OTUD7B: variants seen among roughly 807,000 people sequenced by gnomAD.
OTUD7B encodes the protein OTU domain-containing protein 7B.
In OTUD7B, 34 loss-of-function variants were observed where a neutral mutation model predicts 82.2. That is an observed-to-expected ratio of 0.41 (90% CI 0.31 to 0.55). OTUD7B has a LOEUF of 0.55. Ranked by LOEUF, OTUD7B falls within the 20% of genes least tolerant of loss-of-function variation. The probability of loss-of-function intolerance (pLI) is 0.20; values close to 1 mark genes in which losing one functional copy is unlikely to be tolerated. For missense variants in OTUD7B, 944 were observed against 1,062.1 expected (o/e 0.89, Z 1.55); for synonymous variants, 398 against 402.7 (o/e 0.99, Z 0.14).
At chr1:150,027,617 T>C in the OTUD7B span, among the ~76,000 whole-genome samples, 1 of 151,832 alleles carries the variant, frequency 6.6e-6, no homozygotes, top group African/African-American at 2.4e-5. Context: ...AATAAGATAA[T>C]CAATGGCACA....
intron 1 of OTUD7B, among the ~76,000 whole-genome samples, chr1:149,983,584 G>A (rs1394404213): frequency 1.3e-5 from 2 of 151,948 alleles, no homozygotes; most frequent in Non-Finnish European, 2.9e-5. Flanking sequence ...AAGGAAGAAC[G>A]CTCCAAGCAG....
intron 10 of OTUD7B, among the ~76,000 whole-genome samples, chr1:149,947,977 GTATT>G (rs1354344500): frequency 2.0e-5 from 3 of 151,970 alleles, no homozygotes; most frequent in Non-Finnish European, 2.9e-5. Flanking sequence ...TTTTTATCAC[GTATT>G]TATTTATTTA....
At chr1:149,952,391 A>G (rs1337665408) in intron 7 of OTUD7B, among the ~76,000 whole-genome samples, 1 of 152,246 alleles carries the variant, frequency 6.6e-6, no homozygotes, top group African/African-American at 2.4e-5. Context: ...ATGCTTCTTT[A>G]TGGCTGCATA....
At chr1:150,047,656 T>C in the OTUD7B span, 1 of 152,320 alleles carries the variant, frequency 6.6e-6, no homozygotes, top group South Asian at 2.1e-4. Context: ...AAGAACTGTA[T>C]AGAAAAATAA....
chr1:150,050,345 C>G, the OTUD7B span: 1 of 152,076 alleles, frequency 6.6e-6, no homozygotes, highest in South Asian at 2.1e-4. Context: ...AGCACTACTA[C>G]TTATGTCTTT....
intron 1 of OTUD7B, among the ~76,000 whole-genome samples, chr1:149,989,908 C>A (rs1355523396): frequency 6.6e-6 from 1 of 152,148 alleles, no homozygotes; most frequent in African/African-American, 2.4e-5. Context: ...ATACTTAAAT[C>A]TCATTTGATC....
intron 6 of OTUD7B, chr1:149,962,361 T>G (rs1204670456): frequency 1.3e-5 from 2 of 152,188 alleles, no homozygotes; most frequent in African/African-American, 4.8e-5. Flanking sequence ...TAAAGGAAGC[T>G]TCCCCAGTTC....
chr1:150,030,819 CTGTTT>C, the OTUD7B span, among the ~76,000 whole-genome samples: 13 of 152,274 alleles, frequency 8.5e-5, no homozygotes, highest in African/African-American at 3.1e-4. Context: ...CCTATGTGTT[CTGTTT>C]TGTCATTGAA....
At chr1:150,015,750 A>G in the OTUD7B span, among the ~76,000 whole-genome samples, 1 of 152,092 alleles carries the variant, frequency 6.6e-6, no homozygotes, top group Non-Finnish European at 1.5e-5. Context: ...CCTGCTGTAC[A>G]TGGCTTCAGG....
At chr1:150,049,918 T>C in the OTUD7B span, among the ~76,000 whole-genome samples, 1 of 152,098 alleles carries the variant, frequency 6.6e-6, no homozygotes, top group African/African-American at 2.4e-5. Context: ...TTTCAAAATA[T>C]GTTGTACATG....
the OTUD7B span, among the ~76,000 whole-genome samples, chr1:150,021,502 G>C: frequency 6.6e-6 from 1 of 152,202 alleles, no homozygotes; most frequent in Non-Finnish European, 1.5e-5. Flanking sequence ...AGGAGATGAA[G>C]TCAGAGATCA....
the OTUD7B span, among the ~76,000 whole-genome samples, chr1:150,059,209 A>G: frequency 2.1e-5 from 3 of 142,778 alleles, no homozygotes; most frequent in Non-Finnish European, 4.5e-5. Flanking sequence ...GCCTGCCACC[A>G]CACCTGGCTA....
At chr1:149,994,314 G>A (rs1207574389) in intron 1 of OTUD7B, among the ~76,000 whole-genome samples, 5 of 152,128 alleles carry the variant, frequency 3.3e-5, no homozygotes, top group Admixed American at 2.0e-4. Context: ...CGGGCGCAGT[G>A]GCTCACGCCT....
At chr1:150,032,047 A>G in the OTUD7B span, among the ~76,000 whole-genome samples, 1 of 152,162 alleles carries the variant, frequency 6.6e-6, no homozygotes, top group South Asian at 2.1e-4. Context: ...ACGGTGGCTC[A>G]TGCCTGTAAT....
At chr1:150,004,287 C>T (rs1027505355) in intron 1 of OTUD7B, among the ~76,000 whole-genome samples, 3 of 152,100 alleles carry the variant, frequency 2.0e-5, no homozygotes, top group East Asian at 3.8e-4. Flanking sequence ...TGACCGGGCA[C>T]GGTGGCTCAT....
At chr1:149,993,747 C>T (rs899364164) in intron 1 of OTUD7B, among the ~76,000 whole-genome samples, 3 of 152,054 alleles carry the variant, frequency 2.0e-5, no homozygotes, top group Non-Finnish European at 2.9e-5. Context: ...TGATCTACAT[C>T]GATACATTTT....
At chr1:150,019,435 T>C in the OTUD7B span, among the ~76,000 whole-genome samples, 1 of 152,148 alleles carries the variant, frequency 6.6e-6, no homozygotes, top group Non-Finnish European at 1.5e-5. Flanking sequence ...TAGCACAATC[T>C]CGGCTCACTG....
At chr1:149,980,914 G>A (rs587633155) in intron 1 of OTUD7B, among the ~76,000 whole-genome samples, 1 of 151,470 alleles carries the variant, frequency 6.6e-6, no homozygotes, top group South Asian at 2.1e-4. Flanking sequence ...GTGAGTGGCT[G>A]AGGTGGGAGG....
the OTUD7B span, among the ~76,000 whole-genome samples, chr1:150,056,667 T>C: frequency 6.6e-6 from 1 of 152,142 alleles, no homozygotes; most frequent in Non-Finnish European, 1.5e-5. Flanking sequence ...GAGCCTACAC[T>C]CTTAACCTCT....
Sources: allele counts gnomAD v4.1 joint callset (sites outside exome capture counted in the v4.1 genomes callset), GRCh38; gene constraint gnomAD v4.1.1; transcripts MANE v1.5; gene names NCBI Gene and HGNC (gene_info 2026-07-23, HGNC 2026-07-21).